The following TREH variants were observed in gnomAD, a reference collection of about 807,000 sequenced individuals.
TREH encodes the protein alpha,alpha-trehalose glucohydrolase.
A neutral mutation model predicts 80.5 loss-of-function variants in TREH; 69 were observed. The ratio of observed to expected loss-of-function variants is 0.86; its 90% CI spans 0.71 to 1.05. The LOEUF (loss-of-function observed/expected upper bound fraction) is 1.05, where lower values mean the gene tolerates loss of function less well. Among genes scored for constraint, TREH ranks in the 50% least tolerant of loss-of-function variants. The pLI, the probability that TREH is intolerant of heterozygous loss-of-function variation, is 0.00. For missense variants in TREH, 716 were observed against 718.8 expected (o/e 1.00, Z 0.04); for synonymous variants, 309 against 293.5 (o/e 1.05, Z -0.54).
Position 118,659,012 on chromosome 11 carries a change from C to T in TREH, c.1438G>A (p.Ala480Thr), listed in dbSNP as rs1555144189. The T allele has an allele frequency of 6.2e-7, 1 of 1,613,670 alleles. No individual in the cohort carries two copies. The highest frequency in any genetic ancestry group is 8.5e-7 in the Non-Finnish European group (1 of 1,179,820). The change falls in exon 13 of 15, where the codon GCC (alanine) becomes ACC (threonine). Residue 480 changes from alanine to threonine, a missense_variant. Physicochemically the swap from Ala to Thr is moderately conservative, Grantham distance 58 (BLOSUM62 0). Transcript: ENST00000264029. ...TGGGCCCGACGTAAAGGTGCCTTGG[C>T]CAGGCCTAGACCCCATTGCAGGCAG... ...PLQDLVIRGL[A>T]KAPLRRAQEV...
intron 1 of TREH, among the ~76,000 whole-genome samples, chr11:118,668,561 C>CAAAAAAAA (rs35085066): frequency 4.2e-5 from 2 of 47,868 alleles, no homozygotes; most frequent in African/African-American, 1.0e-4. Context: ...GACTCTGTCT[C>CAAAAAAAA]AAAAAAAAAA....
intron 1 of TREH, among the ~76,000 whole-genome samples, chr11:118,676,960 G>T (rs1299750808): frequency 6.6e-6 from 1 of 152,184 alleles, no homozygotes; most frequent in Non-Finnish European, 1.5e-5. Flanking sequence ...TGACTCAGCA[G>T]GTCTGCTGTG....
intron 1 of TREH, among the ~76,000 whole-genome samples, chr11:118,665,847 G>A (rs1440515579): frequency 6.6e-6 from 1 of 152,208 alleles, no homozygotes; most frequent in Non-Finnish European, 1.5e-5. Flanking sequence ...AGCAGACTGA[G>A]GGCGAGGCAC....
chr11:118,673,303 C>G lies in TREH; in HGVS notation c.89+6236G>C, dbSNP rs556938560. On this transcript the variant is annotated intron_variant, in intron 1 of 14. Transcript: ENST00000264029. ...GCATTTGCATCTACCACTGGCCATG[C>G]AAAGCCCAGTCCAGAATCAGTGTCT... is the stretch of plus-strand genomic sequence containing the variant. Among the ~76,000 whole-genome samples the G allele has an allele frequency of 2.0e-5, 3 of 152,324 alleles. No individual in the cohort carries two copies. In the East Asian group the frequency reaches 5.8e-4, roughly 29 times the overall value.
intron 1 of TREH, among the ~76,000 whole-genome samples, chr11:118,667,123 C>A (rs987336649): frequency 6.6e-6 from 1 of 152,026 alleles, no homozygotes; most frequent in Non-Finnish European, 1.5e-5. Context: ...CTCAGGTGAT[C>A]CGCCCGTCTC....
At chr11:118,678,775 C>G (rs575810325) in intron 1 of TREH, among the ~76,000 whole-genome samples, 1 of 151,654 alleles carries the variant, frequency 6.6e-6, no homozygotes, top group African/African-American at 2.4e-5. Context: ...GTCCAGGAGA[C>G]AGGACAGGGT....
chr11:118,658,323 A>G lies in TREH; in HGVS notation c.1718T>C (p.Leu573Pro), dbSNP rs1555143720. Residue 573 changes from leucine to proline, a missense_variant, in exon 15 of 15, where the codon CTG (leucine) becomes CCG (proline). Physicochemically the swap from Leu to Pro is moderately conservative, Grantham distance 98. Coordinates refer to ENST00000264029, the MANE Select transcript of TREH (RefSeq NM_007180.3). ...LEPHCLAATL[L>P]PSLLLSLLPW ...CAGGAGGCTGAGCAGGAGGCTGGGC[A>G]GAAGGGTGGCCGCCAGGCAGTGGGG... 1 of 1,591,580 alleles carries G rather than the reference A, an allele frequency of 6.3e-7. No individual in the cohort carries two copies. Among genetic ancestry groups the G allele is most frequent in the Non-Finnish European group, 8.5e-7 (1 of 1,170,110 alleles).
chr11:118,661,137 G>T lies in TREH; in HGVS notation c.857+23C>A. 1 of 1,613,680 alleles carries T rather than the reference G, an allele frequency of 6.2e-7. No individual in the cohort carries two copies. Among genetic ancestry groups the T allele is most frequent in the South Asian group, 1.1e-5 (1 of 91,072 alleles). On this transcript the variant is annotated intron_variant, in intron 8 of 14. Coordinates refer to ENST00000264029, the MANE Select transcript of TREH (RefSeq NM_007180.3). The surrounding 1 kb of genome is among the most constrained non-coding windows in gnomAD (Gnocchi z 4.2). ...CAGAGTGAGCAGGTAAGAGATTGAGGGGTGGGCTGCCCAGTTCCTCACCTG... is the reference window on the plus strand; with the variant it reads ...CAGAGTGAGCAGGTAAGAGATTGAGTGGTGGGCTGCCCAGTTCCTCACCTG...
intron 12 of TREH, 66 bp from the exon 13 acceptor site, chr11:118,659,083 C>A (rs2137256870): frequency 6.7e-7 from 1 of 1,484,628 alleles, no homozygotes; most frequent in Non-Finnish European, 9.4e-7. Flanking sequence ...AGTGGCTGCA[C>A]CCTACTCTCC....
At position 118,662,940 on chromosome 11, in the gene TREH, C is replaced by T. The variant is rs1949340759; in HGVS notation, c.364G>A (p.Ala122Thr). Residue 122 changes from alanine to threonine, a missense_variant, in exon 4 of 15, where the codon GCC becomes ACC. Ala to Thr is a moderately conservative substitution (Grantham distance 58, BLOSUM62 0). Coordinates refer to ENST00000264029, the MANE Select transcript of TREH (RefSeq NM_007180.3). Reference sequence around the variant, plus strand: ...TGCCCTGCCCAGGCACGCAGTTTGGCATCTGAAATCTTCTGCAGGAACTGG... The same window carrying T: ...TGCCCTGCCCAGGCACGCAGTTTGGTATCTGAAATCTTCTGCAGGAACTGG... ...SPQFLQKISD[A>T]KLRAWAGQLH... 1 of 1,611,770 alleles carries T rather than the reference C, an allele frequency of 6.2e-7. No homozygotes were observed. The highest frequency in any genetic ancestry group is 1.3e-5 in the African/African-American group (1 of 74,924).
chr11:118,662,753 C>G, intron 4 of TREH, 128 bp downstream of exon 4: 1 of 1,059,744 alleles, frequency 9.4e-7, no homozygotes, highest in Non-Finnish European at 1.4e-6. Context: ...TTTGGGGACC[C>G]AGGGGCCAGG....
rs781796367 is a variant in TREH, at chr11:118,662,862, A to G, written c.423+19T>C. 2 of 1,561,660 alleles carry G rather than the reference A, an allele frequency of 1.3e-6. No individual in the cohort carries two copies. Among genetic ancestry groups the G allele is most frequent in the Middle Eastern group, 1.7e-4 (1 of 6,004 alleles). On this transcript the variant is annotated intron_variant, in intron 4 of 14. Coordinates refer to ENST00000264029, the MANE Select transcript of TREH (RefSeq NM_007180.3). ...CAGTTCCCTTGGTCAGGCCTTGGGC[A>G]GGCCCAGGACGCTGATACCTTCTTC... is the stretch of plus-strand genomic sequence containing the variant.
In TREH at chr11:118,661,147, C is replaced by T; in HGVS notation, c.857+13G>A. ...AGGTAAGAGATTGAGGGGTGGGCTG[C>T]CCAGTTCCTCACCTGGGTCCCCCAT... On this transcript the variant is annotated intron_variant, in intron 8 of 14. Coordinates refer to ENST00000264029, the MANE Select transcript of TREH (RefSeq NM_007180.3). This position sits in a 1 kb window ranked among gnomAD's most constrained non-coding sequence, Gnocchi z 4.2. 3 of 1,613,740 alleles carry T rather than the reference C, an allele frequency of 1.9e-6. No individual in the cohort carries two copies. Among genetic ancestry groups the T allele is most frequent in the Non-Finnish European group, 2.5e-6 (3 of 1,179,864 alleles).
At chr11:118,659,087 A>G in intron 12 of TREH, 70 bp from the exon 13 acceptor site, 2 of 1,472,096 alleles carry the variant, frequency 1.4e-6, no homozygotes. Flanking sequence ...GCTGCACCCT[A>G]CTCTCCCCAA....
In TREH at chr11:118,659,739, G is replaced by A. The variant is rs1949292103; in HGVS notation, c.1320+8C>T. On this transcript the variant is annotated splice_region_variant and intron_variant, in intron 11 of 14. Transcript: ENST00000264029. ...GCAGTGGACCCGAGCCACCTGCTGT[G>A]CCCTCACCTCCAGGTATTTCAGAGC... 1 of 1,565,436 alleles carries A rather than the reference G, an allele frequency of 6.4e-7. No homozygotes were observed.
intron 14 of TREH, 66 bp downstream of exon 14, chr11:118,658,614 G>T: frequency 6.5e-7 from 1 of 1,544,856 alleles, no homozygotes. Flanking sequence ...GGCCTGGGGC[G>T]GGGGTCATGA....
Position 118,663,040 on chromosome 11 carries a change from C to A in TREH, c.335+12G>T. ...GAAGGAACCCTCTCTTGTTCCCCTT[C>A]CAGAGTCATACCTGTCTTTCCAGTC... is the stretch of plus-strand genomic sequence containing the variant. On this transcript the variant is annotated intron_variant, in intron 3 of 14. Transcript: ENST00000264029. The A allele has an allele frequency of 6.2e-7, 1 of 1,612,740 alleles. No individual in the cohort carries two copies. Among genetic ancestry groups the A allele is most frequent in the Non-Finnish European group, 8.5e-7 (1 of 1,179,058 alleles).
Position 118,663,493 on chromosome 11 carries a change from C to T in TREH, c.90-54G>A. On this transcript the variant is annotated intron_variant, in intron 1 of 14. Transcript: ENST00000264029. ...GGTCACCACCACCACCCCATTAGGA[C>T]AGAAGAGAAGGCTAGAGTCTGTGGT... The T allele has an allele frequency of 2.1e-6, 3 of 1,418,512 alleles. No homozygotes were observed. The African/African-American group carries it at 4.3e-5, about 20-fold the overall frequency. The allele number at this position is 1,418,512 out of a possible 1,614,324, so 87.9% of individuals were successfully genotyped here. A position where few individuals can be genotyped will look rare whatever the true frequency, so the allele number is the denominator to read the frequency against.
intron 1 of TREH, among the ~76,000 whole-genome samples, chr11:118,664,608 A>G (rs1328356795): frequency 2.0e-5 from 3 of 152,246 alleles, no homozygotes; most frequent in Admixed American, 6.5e-5. Flanking sequence ...CCACCAAGTT[A>G]CATTTCTTCA....
Sources: gnomAD v4.1 joint callset for allele counts (sites outside exome capture counted in the v4.1 genomes callset) on GRCh38, gnomAD v4.1.1 for gene constraint, Gnocchi (gnomAD v3.1) non-coding constraint, MANE v1.5 for transcripts, NCBI Gene and HGNC (gene_info 2026-07-23, HGNC 2026-07-21) for gene names.